The following PHF6 variants were observed in gnomAD, a reference collection of about 807,000 sequenced individuals.
PHF6 encodes the protein PHD finger protein 6, also known as PHD-like zinc finger protein.
PHF6 carries 7 observed loss-of-function variants against 34.0 expected under a neutral mutation model. That is an observed-to-expected ratio of 0.21 (90% CI 0.12 to 0.39). The LOEUF (loss-of-function observed/expected upper bound fraction) is 0.39, where lower values mean the gene tolerates loss of function less well. Ranked by LOEUF, PHF6 falls within the 10% of genes least tolerant of loss-of-function variation. The pLI, the probability that PHF6 is intolerant of heterozygous loss-of-function variation, is 1.00. For missense variants in PHF6, 128 were observed against 262.8 expected (o/e 0.49, Z 3.55); for synonymous variants, 89 against 88.4 (o/e 1.01, Z -0.04).
At chrX:134,378,219 G>T in intron 3 of PHF6, 113 bp downstream of exon 3, 1 of 454,751 alleles carries the variant, frequency 2.2e-6, no homozygotes, top group Non-Finnish European at 3.5e-6. Flanking sequence ...TTAAATTGCA[G>T]GCTTTTCTTT....
chrX:134,381,598 G>A (rs2077307917), intron 3 of PHF6, among the ~76,000 whole-genome samples: 1 of 108,789 alleles, frequency 9.2e-6, no homozygotes, highest in Non-Finnish European at 1.9e-5. Flanking sequence ...AGGTACAAGC[G>A]ATTTTCCTGT....
At chrX:134,410,698 A>T (rs2124244520) in intron 5 of PHF6, among the ~76,000 whole-genome samples, 1 of 107,447 alleles carries the variant, frequency 9.3e-6, no homozygotes, top group South Asian at 4.1e-4. Flanking sequence ...CCCAGGCTGG[A>T]GTACAGTGGC....
intron 5 of PHF6, among the ~76,000 whole-genome samples, chrX:134,410,621 GTTTATTTTAT>G (rs71920546): frequency 3.4e-3 from 335 of 97,601 alleles, no homozygotes; most frequent in African/African-American, 0.01. Context: ...TATTTTTCCA[GTTTATTTTAT>G]TTTATTTTAT....
At chrX:134,391,272 A>G (rs896279657) in intron 3 of PHF6, among the ~76,000 whole-genome samples, 17 of 111,388 alleles carry the variant, frequency 1.5e-4, no homozygotes, top group Middle Eastern at 4.6e-3. Context: ...CTGTACCCGG[A>G]CCTAAATATT....
intron 9 of PHF6, chrX:134,419,041 A>G (rs12556335): frequency 0.48 from 52,460 of 109,013 alleles, 10,442 homozygotes; most frequent in African/African-American, 0.73. Flanking sequence ...AGGAGGAGGA[A>G]GGGTTTTGTT....
At chrX:134,417,083 A>G in intron 8 of PHF6, 86 bp from the exon 9 acceptor site, 2 of 1,034,890 alleles carry the variant, frequency 1.9e-6, no homozygotes, top group Non-Finnish European at 2.7e-6. Context: ...ATGCTATGTG[A>G]TAATTTCAGT....
intron 3 of PHF6, among the ~76,000 whole-genome samples, chrX:134,380,977 G>T (rs2077305031): frequency 9.0e-6 from 1 of 111,332 alleles, no homozygotes; most frequent in Non-Finnish European, 1.9e-5. Context: ...CTCCCGAGTA[G>T]CTGGGACTAC....
chrX:134,395,659 A>G (rs2124223019), intron 5 of PHF6, among the ~76,000 whole-genome samples: 1 of 112,227 alleles, frequency 8.9e-6, no homozygotes, highest in African/African-American at 3.2e-5. Context: ...TGTTTCTTTT[A>G]TGAAGATTTA....
intron 3 of PHF6, among the ~76,000 whole-genome samples, chrX:134,391,232 C>G (rs1000320755): frequency 9.0e-6 from 1 of 111,146 alleles, no homozygotes; most frequent in African/African-American, 3.3e-5. Flanking sequence ...TCTCAGCCTC[C>G]CAAAGTGCTG....
intron 5 of PHF6, among the ~76,000 whole-genome samples, chrX:134,410,737 T>G (rs1010045320): frequency 1.2e-4 from 13 of 107,397 alleles, no homozygotes; most frequent in Non-Finnish European, 3.8e-5. Flanking sequence ...AACCTCTGCC[T>G]CCCGAGTTCA....
chrX:134,412,947 A>T (rs1329537633), intron 5 of PHF6, among the ~76,000 whole-genome samples: 1 of 111,988 alleles, frequency 8.9e-6, no homozygotes, highest in African/African-American at 3.2e-5. Flanking sequence ...AATCTAGACC[A>T]GTGTTATCCA....
chrX:134,389,519 A>G (rs2077344771), intron 3 of PHF6, among the ~76,000 whole-genome samples: 1 of 111,707 alleles, frequency 9.0e-6, no homozygotes, highest in African/African-American at 3.3e-5. Context: ...ATAACCAACC[A>G]GGTGCCTTGT....
intron 5 of PHF6, among the ~76,000 whole-genome samples, chrX:134,397,166 G>A (rs1395778898): frequency 9.0e-6 from 1 of 111,632 alleles, no homozygotes; most frequent in Non-Finnish European, 1.9e-5. Flanking sequence ...TAAAACCTAT[G>A]TCATCAGTTT....
At chrX:134,398,024 G>A (rs1457351746) in intron 5 of PHF6, among the ~76,000 whole-genome samples, 1 of 112,108 alleles carries the variant, frequency 8.9e-6, no homozygotes, top group Non-Finnish European at 1.9e-5. Flanking sequence ...CTATGCAGAA[G>A]GAACAGGATC....
rs1303947958 is a variant in PHF6 at position 134,393,602 on chromosome X, A to C, written c.342A>C (p.Gln114His). 5.8e-6 allele frequency: 7 copies of C among 1,205,755 alleles called. No homozygotes were observed. Among genetic ancestry groups the C allele is most frequent in the Non-Finnish European group, 7.8e-6 (7 of 891,846 alleles). The change falls in exon 4 of 11, where the codon CAA becomes CAC. Residue 114 changes from glutamine (Q) to histidine (H), a missense_variant. By Grantham distance (24) the Gln-to-His change is conservative. Coordinates refer to ENST00000370803, the MANE Select transcript of PHF6 (RefSeq NM_001015877.2). ...ACTGTGCATTGCATGATAAAGCTCA[A>C]ATACGAGAGAAACCTTCACAAGGAA... The part of the protein sequence containing the change: ...HYHCALHDKA[Q>H]IREKPSQGIY...
intron 5 of PHF6, among the ~76,000 whole-genome samples, chrX:134,404,745 T>C (rs1569340957): frequency 8.9e-6 from 1 of 111,950 alleles, no homozygotes; most frequent in Non-Finnish European, 1.9e-5. Flanking sequence ...CTTGATCAGT[T>C]AGCAGCCAAC....
chrX:134,393,249 C>A (rs760695620), intron 3 of PHF6, among the ~76,000 whole-genome samples: 1 of 111,829 alleles, frequency 8.9e-6, no homozygotes, highest in Non-Finnish European at 1.9e-5. Context: ...TTCAAATTTT[C>A]TCTTGACCAT....
At chrX:134,382,637 C>G (rs112303576) in intron 3 of PHF6, among the ~76,000 whole-genome samples, 109 of 101,158 alleles carry the variant, frequency 1.1e-3, no homozygotes, top group African/African-American at 3.9e-3. Context: ...GACATGATCT[C>G]GGCTCACTGC....
At chrX:134,396,329 A>T (rs1172447690) in intron 5 of PHF6, among the ~76,000 whole-genome samples, 1 of 111,980 alleles carries the variant, frequency 8.9e-6, no homozygotes, top group Non-Finnish European at 1.9e-5. Flanking sequence ...TGATTAATAT[A>T]TACTGATTAT....
Sources: gnomAD v4.1 joint callset for allele counts (sites outside exome capture counted in the v4.1 genomes callset) on GRCh38, gnomAD v4.1.1 for gene constraint, MANE v1.5 for transcripts, NCBI Gene and HGNC (gene_info 2026-07-23, HGNC 2026-07-21) for gene names.